The following ADAMTSL1 variants were observed in gnomAD, a reference collection of about 807,000 sequenced individuals.
ADAMTSL1 encodes ADAMTS like 1, also known as ADAMTS-like protein 1.
A neutral mutation model predicts 201.8 loss-of-function variants in ADAMTSL1; 126 were observed. That is an observed-to-expected ratio of 0.62 (90% CI 0.54 to 0.72). The LOEUF is 0.72. Ranked by LOEUF, ADAMTSL1 falls within the 30% of genes least tolerant of loss-of-function variation. The pLI, the probability that ADAMTSL1 is intolerant of heterozygous loss-of-function variation, is 0.00. For missense variants in ADAMTSL1, 2,679 were observed against 2,277.8 expected (o/e 1.18, Z -3.59); for synonymous variants, 1,121 against 903.4 (o/e 1.24, Z -4.32).
At chr9:18,650,271 C>T (rs578128599) in intron 7 of ADAMTSL1, among the ~76,000 whole-genome samples, 5 of 152,168 alleles carry the variant, frequency 3.3e-5, no homozygotes, top group African/African-American at 1.2e-4. Flanking sequence ...TGGGAGTGAC[C>T]CGATTTTCCA....
intron 2 of ADAMTSL1, among the ~76,000 whole-genome samples, chr9:18,509,532 G>C (rs73421030): frequency 8.5e-5 from 13 of 152,220 alleles, no homozygotes; most frequent in African/African-American, 3.1e-4. Flanking sequence ...ACATATCTAG[G>C]GTTGGCTGGA....
intron 15 of ADAMTSL1, among the ~76,000 whole-genome samples, chr9:18,726,508 C>T (rs537198958): frequency 1.4e-5 from 2 of 147,292 alleles, no homozygotes; most frequent in Non-Finnish European, 3.0e-5. Context: ...GAGACCCTGT[C>T]TCCAAAAAAA....
At chr9:18,060,862 C>A (rs111594866) in intron 1 of ADAMTSL1, among the ~76,000 whole-genome samples, 2,433 of 152,232 alleles carry the variant, frequency 0.016, 30 homozygotes, top group Non-Finnish European at 0.026. Flanking sequence ...TTTGGATTGT[C>A]CTTGCTTTAC....
At chr9:17,950,701 G>A (rs1249677409) in intron 1 of ADAMTSL1, among the ~76,000 whole-genome samples, 3 of 151,926 alleles carry the variant, frequency 2.0e-5, no homozygotes, top group Non-Finnish European at 2.9e-5. Flanking sequence ...TTTCTCTACT[G>A]ATAAACATAT....
At chr9:18,313,654 T>C (rs1413795182) in intron 2 of ADAMTSL1, among the ~76,000 whole-genome samples, 1 of 152,154 alleles carries the variant, frequency 6.6e-6, no homozygotes, top group Non-Finnish European at 1.5e-5. Context: ...AATTTAACTT[T>C]ATATTTTTAA....
intron 1 of ADAMTSL1, among the ~76,000 whole-genome samples, chr9:18,094,019 A>G (rs1015252563): frequency 6.6e-6 from 1 of 152,138 alleles, no homozygotes; most frequent in Non-Finnish European, 1.5e-5. Flanking sequence ...TTGATCCATC[A>G]TTTCATTTTG....
At chr9:18,166,787 G>C (rs1827651543) in intron 2 of ADAMTSL1, among the ~76,000 whole-genome samples, 1 of 151,908 alleles carries the variant, frequency 6.6e-6, no homozygotes, top group African/African-American at 2.4e-5. Flanking sequence ...TGTAAATAAT[G>C]TTTGAAAACC....
intron 4 of ADAMTSL1, among the ~76,000 whole-genome samples, chr9:18,582,955 C>G (rs1391931786): frequency 6.6e-6 from 1 of 152,070 alleles, no homozygotes; most frequent in Non-Finnish European, 1.5e-5. Flanking sequence ...TGTCTGCTGC[C>G]ATGTGAGACA....
At chr9:18,560,228 A>G (rs1821398131) in intron 3 of ADAMTSL1, among the ~76,000 whole-genome samples, 1 of 152,198 alleles carries the variant, frequency 6.6e-6, no homozygotes, top group Non-Finnish European at 1.5e-5. Flanking sequence ...AGGGGTGTTG[A>G]ATTTTATTGA....
At chr9:18,108,196 A>ATT (rs5896770) in intron 1 of ADAMTSL1, among the ~76,000 whole-genome samples, 2,214 of 125,476 alleles carry the variant, frequency 0.018, 70 homozygotes, top group African/African-American at 0.058. Context: ...AGAGTGTGGA[A>ATT]TTTTTTTTTT....
At chr9:18,839,611 T>G (rs1292501814) in intron 23 of ADAMTSL1, among the ~76,000 whole-genome samples, 1 of 152,246 alleles carries the variant, frequency 6.6e-6, no homozygotes, top group Non-Finnish European at 1.5e-5. Context: ...ATGGCCACAC[T>G]GCCTTCCACA....
intron 4 of ADAMTSL1, among the ~76,000 whole-genome samples, chr9:18,575,574 C>G (rs1166605440): frequency 6.6e-6 from 1 of 152,126 alleles, no homozygotes; most frequent in Non-Finnish European, 1.5e-5. Context: ...ATTAGGGAAT[C>G]TGAAAAATCT....
chr9:18,097,513 C>T (rs1251560113), intron 1 of ADAMTSL1, among the ~76,000 whole-genome samples: 1 of 152,170 alleles, frequency 6.6e-6, no homozygotes, highest in Non-Finnish European at 1.5e-5. Flanking sequence ...AAAGTCATTA[C>T]ACTATTTTAT....
chr9:18,231,741 C>G (rs1830654227), intron 2 of ADAMTSL1, among the ~76,000 whole-genome samples: 1 of 152,232 alleles, frequency 6.6e-6, no homozygotes, highest in Non-Finnish European at 1.5e-5. Flanking sequence ...GAGATAAACT[C>G]TGGATCTTCT....
At chr9:18,218,455 TA>T (rs1830133809) in intron 2 of ADAMTSL1, among the ~76,000 whole-genome samples, 1 of 151,994 alleles carries the variant, frequency 6.6e-6, no homozygotes, top group Admixed American at 6.6e-5. Context: ...TCCTACACTT[TA>T]AAAAAAAGTT....
intron 1 of ADAMTSL1, among the ~76,000 whole-genome samples, chr9:17,937,811 A>C (rs1827077308): frequency 6.6e-6 from 1 of 152,190 alleles, no homozygotes; most frequent in Admixed American, 6.6e-5. Context: ...GAAGACTCTA[A>C]TGCTTCCTTT....
At chr9:18,527,846 T>A (rs11794207) in intron 2 of ADAMTSL1, among the ~76,000 whole-genome samples, 16,424 of 152,130 alleles carry the variant, frequency 0.11, 1,814 homozygotes, top group African/African-American at 0.29. Context: ...GGAATTTTTG[T>A]TGCAAATTTG....
intron 4 of ADAMTSL1, among the ~76,000 whole-genome samples, chr9:18,580,409 T>C (rs528668747): frequency 3.9e-5 from 6 of 152,324 alleles, no homozygotes; most frequent in Admixed American, 2.0e-4. Context: ...TGTCCACCAG[T>C]TATTCCAAAG....
At chr9:18,838,272 C>T (rs934260327) in intron 23 of ADAMTSL1, among the ~76,000 whole-genome samples, 1 of 151,924 alleles carries the variant, frequency 6.6e-6, no homozygotes, top group African/African-American at 2.4e-5. Flanking sequence ...GATTCAGTCA[C>T]CTCCCAGCAG....
Sources: allele counts gnomAD v4.1 joint callset (sites outside exome capture counted in the v4.1 genomes callset), GRCh38; gene constraint gnomAD v4.1.1; transcripts MANE v1.5; gene names NCBI Gene and HGNC (gene_info 2026-07-23, HGNC 2026-07-21).